The following C8A variants were observed in gnomAD, a reference collection of about 807,000 sequenced individuals.
The protein encoded by C8A is complement C8 alpha chain.
Under a neutral mutation model 65.3 loss-of-function variants are expected in C8A, and 67 were observed. The ratio of observed to expected loss-of-function variants is 1.03; its 90% confidence interval spans 0.84 to 1.26. The LOEUF is 1.26. Among genes scored for constraint, C8A ranks in the 50% most tolerant of loss-of-function variants. The pLI, the probability that C8A is intolerant of heterozygous loss-of-function variation, is 0.00. For synonymous variants in C8A, 290 were observed against 259.4 expected (o/e 1.12, Z -1.13); for missense variants, 781 against 723.9 (o/e 1.08, Z -0.90).
intron 1 of C8A, among the ~76,000 whole-genome samples, chr1:56,858,711 T>C (rs1644000904): frequency 6.6e-6 from 1 of 152,198 alleles, no homozygotes; most frequent in Admixed American, 6.5e-5. Context: ...AATTTTTAAT[T>C]AATGAAAACA....
chr1:56,887,302 T>G (rs752622418), intron 7 of C8A, among the ~76,000 whole-genome samples: 2 of 152,220 alleles, frequency 1.3e-5, no homozygotes, highest in Non-Finnish European at 2.9e-5. Context: ...ATGGCTAAAC[T>G]AATGTACACT....
At chr1:56,891,086 A>G (rs1279976534) in intron 7 of C8A, among the ~76,000 whole-genome samples, 2 of 152,186 alleles carry the variant, frequency 1.3e-5, no homozygotes, top group African/African-American at 4.8e-5. Flanking sequence ...TTGTAAAAAC[A>G]GAGAGTAACT....
At chr1:56,865,304 T>A (rs942520330) in intron 1 of C8A, among the ~76,000 whole-genome samples, 3 of 152,208 alleles carry the variant, frequency 2.0e-5, no homozygotes, top group Non-Finnish European at 2.9e-5. Context: ...TTCTTCACAG[T>A]TCTGGAGACT....
intron 1 of C8A, among the ~76,000 whole-genome samples, chr1:56,855,233 C>T (rs1557693390): frequency 6.6e-6 from 1 of 152,130 alleles, no homozygotes; most frequent in Non-Finnish European, 1.5e-5. Context: ...CGGTTTGATC[C>T]TTAGTTTCCC....
Position 56,874,307 on chromosome 1 carries a change from C to A in C8A, c.172-642C>A, listed in dbSNP as rs1462673489. Among the ~76,000 whole-genome samples the A allele has an allele frequency of 2.6e-5, 4 of 152,146 alleles. No individual in the cohort carries two copies. In the East Asian group the frequency reaches 7.7e-4, roughly 29 times the overall value. On this transcript the variant is annotated intron_variant, in intron 2 of 10. Transcript: ENST00000361249. Reference sequence around the variant, plus strand: ...CCAGGCCTGGTTCATACCCACACATCCCTGTGACTGAGGAAGTGAGTCCTT... The same window carrying A: ...CCAGGCCTGGTTCATACCCACACATACCTGTGACTGAGGAAGTGAGTCCTT...
intron 7 of C8A, among the ~76,000 whole-genome samples, chr1:56,902,590 C>T (rs1048830883): frequency 4.6e-5 from 7 of 152,134 alleles, no homozygotes; most frequent in Non-Finnish European, 1.0e-4. Context: ...ACATGTTGCT[C>T]TCAGACTTTA....
intron 7 of C8A, among the ~76,000 whole-genome samples, chr1:56,902,614 A>G (rs1249855043): frequency 1.3e-5 from 2 of 152,154 alleles, no homozygotes; most frequent in African/African-American, 4.8e-5. Flanking sequence ...TGTATAATTG[A>G]GACTTTATGG....
In C8A at chr1:56,907,982, G is replaced by C. The variant is rs1221356802; in HGVS notation, c.1249G>C (p.Glu417Gln). The C allele has an allele frequency of 6.2e-7, 1 of 1,614,070 alleles. No individual in the cohort carries two copies. Among genetic ancestry groups the C allele is most frequent in the African/African-American group, 1.3e-5 (1 of 74,934 alleles). The change falls in exon 9 of 11, where the codon GAA becomes CAA. Residue 417 changes from glutamate to glutamine, a missense_variant. By Grantham distance (29) the Glu-to-Gln change is conservative (BLOSUM62 2). Coordinates refer to ENST00000361249, the MANE Select transcript of C8A (RefSeq NM_000562.3). Reference sequence around the variant, plus strand: ...AAGGGCCAGGAAGGCCATGGCTGTGGAAGACATTATTTCTCGGGTGCGAGG... The same window carrying C: ...AAGGGCCAGGAAGGCCATGGCTGTGCAAGACATTATTTCTCGGGTGCGAGG... Reference protein sequence around the residue: ...TERARKAMAVEDIISRVRGGS... With the variant: ...TERARKAMAVQDIISRVRGGS...
chr1:56,875,828 T>C (rs1644193070), intron 3 of C8A, among the ~76,000 whole-genome samples: 1 of 151,858 alleles, frequency 6.6e-6, no homozygotes, highest in Non-Finnish European at 1.5e-5. Flanking sequence ...TTTAGAAAGA[T>C]TACTGGGGGC....
In C8A at chr1:56,854,809, C is replaced by T; in HGVS notation, c.-93C>T. 9.8e-7 allele frequency: 1 copy of T among 1,024,528 alleles called. No homozygotes were observed. Among genetic ancestry groups the T allele is most frequent in the South Asian group, 1.4e-5 (1 of 73,682 alleles). 63.5% of individuals were successfully genotyped at this position (1,024,528 alleles called of 1,614,324 possible). A position where few individuals can be genotyped will look rare whatever the true frequency, so the allele number is the denominator to read the frequency against. ...AGTTTCCAACATCAGATAGATCTTA[C>T]AGGTCCCAGCCTGTAGACATCTTTT... On this transcript the variant is annotated 5_prime_UTR_variant, in exon 1 of 11. Coordinates refer to ENST00000361249, the MANE Select transcript of C8A (RefSeq NM_000562.3).
chr1:56,898,618 G>A (rs1644403005), intron 7 of C8A, among the ~76,000 whole-genome samples: 1 of 152,090 alleles, frequency 6.6e-6, no homozygotes, highest in Admixed American at 6.6e-5. Flanking sequence ...CCTCAGTTCT[G>A]GGTTGGAAGC....
intron 2 of C8A, among the ~76,000 whole-genome samples, 182 bp from the exon 3 acceptor site, chr1:56,874,767 T>C (rs935129739): frequency 2.6e-5 from 4 of 152,226 alleles, no homozygotes; most frequent in African/African-American, 2.4e-5. Flanking sequence ...CAATCAGTGA[T>C]TGTGCCACTT....
At chr1:56,908,758 A>AGT (rs1217371014) in intron 9 of C8A, among the ~76,000 whole-genome samples, 2 of 152,194 alleles carry the variant, frequency 1.3e-5, no homozygotes, top group Admixed American at 1.3e-4. Context: ...TGAAAAATCA[A>AGT]GTGAAAATAT....
intron 9 of C8A, among the ~76,000 whole-genome samples, chr1:56,909,991 A>C (rs977117336): frequency 2.0e-5 from 3 of 152,356 alleles, no homozygotes; most frequent in Non-Finnish European, 4.4e-5. Context: ...AGCCACGGGC[A>C]GGCTTTATAG....
chr1:56,916,771 T>C (rs1644555857), intron 10 of C8A, among the ~76,000 whole-genome samples: 1 of 152,222 alleles, frequency 6.6e-6, no homozygotes, highest in African/African-American at 2.4e-5. Flanking sequence ...TCCATCCTTC[T>C]CATATGATAG....
In C8A at chr1:56,854,961, A is replaced by T. The variant is rs774621470; in HGVS notation, c.60A>T (p.Ala20=). Reference sequence around the variant, plus strand: ...TGACTTGTCAGCCTGGGGTAACTGCACAGGAGAAGGTGAACCAGTAAGTGG... The same window carrying T: ...TGACTTGTCAGCCTGGGGTAACTGCTCAGGAGAAGGTGAACCAGTAAGTGG... ...SLMTCQPGVT[A]QEKVNQRVRR... is the part of the protein sequence containing the mutation. Residue 20 remains alanine, a synonymous_variant, in exon 1 of 11, where the codon GCA becomes GCT. Coordinates refer to ENST00000361249, the MANE Select transcript of C8A (RefSeq NM_000562.3). 3.7e-6 allele frequency: 6 copies of T among 1,613,672 alleles called. No individual in the cohort carries two copies. The South Asian group carries it at 4.4e-5, about 12-fold the overall frequency.
chr1:56,905,266 G>C (rs1644454813), intron 7 of C8A, among the ~76,000 whole-genome samples: 2 of 152,120 alleles, frequency 1.3e-5, no homozygotes, highest in African/African-American at 2.4e-5. Flanking sequence ...AGCTGAAAGG[G>C]GTCTTGGAGA....
intron 10 of C8A, among the ~76,000 whole-genome samples, chr1:56,913,915 C>T (rs1553178137): frequency 6.6e-6 from 1 of 152,146 alleles, no homozygotes; most frequent in Non-Finnish European, 1.5e-5. Context: ...TCAGTGGGAG[C>T]CTGATACAGA....
intron 7 of C8A, among the ~76,000 whole-genome samples, chr1:56,889,726 T>G (rs1327578765): frequency 6.6e-6 from 1 of 152,160 alleles, no homozygotes; most frequent in Non-Finnish European, 1.5e-5. Flanking sequence ...TGGGGGAATC[T>G]TTTGTCCTTG....
Sources: allele counts gnomAD v4.1 joint callset (sites outside exome capture counted in the v4.1 genomes callset), GRCh38; gene constraint gnomAD v4.1.1; transcripts MANE v1.5; gene names NCBI Gene and HGNC (gene_info 2026-07-23, HGNC 2026-07-21).